The following VPS13C variants were observed in gnomAD, a reference collection of about 807,000 sequenced individuals.
VPS13C encodes the protein vacuolar protein sorting 13 homolog C.
A neutral mutation model predicts 456.8 loss-of-function variants in VPS13C; 358 were observed. That is an observed-to-expected ratio of 0.78 (90% CI 0.72 to 0.86). The LOEUF (loss-of-function observed/expected upper bound fraction) is 0.86, where lower values mean the gene tolerates loss of function less well. VPS13C is among the 40% of genes least tolerant of loss of function. VPS13C has a pLI of 0.00. For missense variants in VPS13C, 4,818 were observed against 4,385.4 expected, an observed-to-expected ratio of 1.10 and a Z score of -2.79; for synonymous variants, 1,578 against 1,486.7, an observed-to-expected ratio of 1.06 and a Z score of -1.41.
At position 61,889,311 on chromosome 15, in the gene VPS13C, T is replaced by C. The variant is rs545632980; in HGVS notation, c.9341+854A>G. Among the ~76,000 whole-genome samples the C allele has an allele frequency of 3.9e-5, 6 of 152,230 alleles. No homozygotes were observed. The East Asian group carries it at 1.2e-3, about 29-fold the overall frequency. ...AATATATAACAAAGAATGCATTGTC[T>C]ATCTACATATAAATATATTAACATT... On this transcript the variant is annotated intron_variant, in intron 67 of 84. Transcript: ENST00000644861.
chr15:62,010,533 G>A lies in VPS13C; in HGVS notation c.950C>T (p.Thr317Met), dbSNP rs529383497. ...MNPYAESELK[T>M]PKLDCNIEIQ... is the part of the protein sequence containing the mutation. ...TTCTATGTTGCAATCCAGTTTGGGC[G>A]TTTTGAGCTCTGATTCTGCATAAGG... The change falls in exon 13 of 85, where the codon ACG becomes ATG. Residue 317 changes from threonine (T) to methionine (M), a missense_variant. Physicochemically the swap from Thr to Met is moderately conservative, Grantham distance 81 (BLOSUM62 -1). Around this residue, in one of 3 missense-constraint regions of VPS13C, gnomAD observed 4,552 missense variants for 4,130.6 expected, o/e 1.10. Coordinates refer to ENST00000644861, the MANE Select transcript of VPS13C (RefSeq NM_020821.3). 69 of 1,613,418 alleles carry A rather than the reference G, an allele frequency of 4.3e-5. No homozygotes were observed. Among genetic ancestry groups the A allele is most frequent in the Non-Finnish European group, 5.2e-5 (61 of 1,179,718 alleles).
Position 61,934,337 on chromosome 15 carries a change from G to A in VPS13C, c.5756-6C>T. On this transcript the variant is annotated splice_polypyrimidine_tract_variant and splice_region_variant and intron_variant, in intron 48 of 84. Coordinates refer to ENST00000644861, the MANE Select transcript of VPS13C (RefSeq NM_020821.3). ...GTCTGTCCAATCTTCTTGTTCTAAT[G>A]GTGAAAATTTAAAAGCTTTTAAGTA... 6.7e-7 allele frequency: 1 copy of A among 1,483,248 alleles called. No individual in the cohort carries two copies. Among genetic ancestry groups the A allele is most frequent in the Non-Finnish European group, 9.0e-7 (1 of 1,112,884 alleles). The allele number at this position is 1,483,248 out of a possible 1,614,324, so 91.9% of individuals were successfully genotyped here. A position where few individuals can be genotyped will look rare whatever the true frequency, so the allele number is the denominator to read the frequency against.
chr15:61,986,084 T>TAC (rs1213570211), intron 18 of VPS13C, among the ~76,000 whole-genome samples: 12 of 149,644 alleles, frequency 8.0e-5, no homozygotes, highest in African/African-American at 3.0e-4. Flanking sequence ...CATATACACA[T>TAC]ACACACACAC....
At chr15:61,963,999 T>A in intron 31 of VPS13C, 48 bp from the exon 32 acceptor site, 1 of 1,240,448 alleles carries the variant, frequency 8.1e-7, no homozygotes, top group Non-Finnish European at 1.2e-6. Flanking sequence ...TCTAGTCATC[T>A]ACATTCTTTT....
At chr15:61,947,437 T>A in intron 42 of VPS13C, 128 bp from the exon 43 acceptor site, 1 of 599,080 alleles carries the variant, frequency 1.7e-6, no homozygotes, top group East Asian at 3.1e-5. Context: ...TCCATTAAGA[T>A]AACATGTAAT....
In VPS13C at chr15:61,974,281, T is replaced by C; in HGVS notation, c.2538+7A>G. 6.2e-7 allele frequency: 1 copy of C among 1,609,426 alleles called. No homozygotes were observed. Among genetic ancestry groups the C allele is most frequent in the Non-Finnish European group, 8.5e-7 (1 of 1,177,490 alleles). On this transcript the variant is annotated splice_region_variant and intron_variant, in intron 25 of 84. Coordinates refer to ENST00000644861, the MANE Select transcript of VPS13C (RefSeq NM_020821.3). ...ATAGGGTTATACATTTTATTGTATC[T>C]ATTTACCTGTCTCTCTGGAGACTGG... is the stretch of plus-strand genomic sequence containing the variant.
At chr15:61,885,090 T>C (rs1596290910) in intron 67 of VPS13C, among the ~76,000 whole-genome samples, 2 of 152,094 alleles carry the variant, frequency 1.3e-5, no homozygotes, top group African/African-American at 2.4e-5. Flanking sequence ...CCTTAAAATA[T>C]ATCCTCTCCA....
intron 67 of VPS13C, among the ~76,000 whole-genome samples, chr15:61,888,028 G>A (rs1423356960): frequency 6.6e-6 from 1 of 152,098 alleles, no homozygotes; most frequent in African/African-American, 2.4e-5. Context: ...ATTTTAAAAT[G>A]GACAAAAGAT....
chr15:61,874,863 A>C lies in VPS13C; in HGVS notation c.10414+13T>G, dbSNP rs745470615. ...AAAAAATATACACATATACACAAAT[A>C]TGTGATACATACCTACTGTGTGTCC... On this transcript the variant is annotated intron_variant, in intron 77 of 84. Transcript: ENST00000644861. 3 of 1,570,686 alleles carry C rather than the reference A, an allele frequency of 1.9e-6. No individual in the cohort carries two copies. The East Asian group carries it at 6.9e-5, about 36-fold the overall frequency.
At chr15:61,876,888 A>G (rs1596281043) in intron 75 of VPS13C, 85 bp downstream of exon 75, 1 of 931,466 alleles carries the variant, frequency 1.1e-6, no homozygotes. Context: ...TTAGATAAAC[A>G]TTACTGCACA....
In VPS13C at chr15:61,950,469, A is replaced by G. The variant is rs778905729; in HGVS notation, c.4537-52T>C. 24 of 1,354,386 alleles carry G rather than the reference A, an allele frequency of 1.8e-5. No individual in the cohort carries two copies. The Admixed American group carries it at 4.3e-4, about 24-fold the overall frequency. The allele number at this position is 1,354,386 out of a possible 1,614,324, so 83.9% of individuals were successfully genotyped here. On this transcript the variant is annotated intron_variant, in intron 40 of 84. Transcript: ENST00000644861. ...TGAGTTTCAAACACTAAAAATTCAT[A>G]CACTGAAAATATACATATTCTTTAC...
Position 61,920,147 on chromosome 15 carries a change from T to A in VPS13C, c.7397A>T (p.Tyr2466Phe). Residue 2466 changes from tyrosine (Y) to phenylalanine (F), a missense_variant, in exon 57 of 85, where the codon TAT becomes TTT. Tyr to Phe is a conservative substitution (Grantham distance 22, BLOSUM62 3). Around this residue, in one of 3 missense-constraint regions of VPS13C, gnomAD observed 4,552 missense variants for 4,130.6 expected, o/e 1.10. Coordinates refer to ENST00000644861, the MANE Select transcript of VPS13C (RefSeq NM_020821.3). ...TTGACTTGAAGGTACCATGCTGGCA[T>A]ACTCCAGTTCCAAATTCTGGCCAGC... The part of the protein sequence containing the change: ...VDAGQNLELE[Y>F]ASMVPSSQGN... 6.2e-7 allele frequency: 1 copy of A among 1,613,614 alleles called. No individual in the cohort carries two copies. Among genetic ancestry groups the A allele is most frequent in the Non-Finnish European group, 8.5e-7 (1 of 1,179,654 alleles).
chr15:62,019,031 G>A (rs550414973), intron 9 of VPS13C, among the ~76,000 whole-genome samples: 13 of 151,990 alleles, frequency 8.6e-5, no homozygotes, highest in Non-Finnish European at 1.6e-4. Context: ...TGTATGTGTC[G>A]AGGAATTTGT....
intron 35 of VPS13C, 22 bp downstream of exon 35, chr15:61,961,567 C>A: frequency 9.3e-6 from 14 of 1,505,010 alleles, no homozygotes; most frequent in East Asian, 2.3e-5. Context: ...TATTTAAATC[C>A]ATAATTATTG....
intron 52 of VPS13C, 56 bp from the exon 53 acceptor site, chr15:61,925,604 A>G (rs1198859072): frequency 3.5e-5 from 42 of 1,206,818 alleles, no homozygotes; most frequent in Non-Finnish European, 4.4e-5. Context: ...TACATAACAC[A>G]CACTTACAAG....
intron 81 of VPS13C, chr15:61,864,212 A>G (rs1007875542): frequency 1.8e-6 from 1 of 568,436 alleles, no homozygotes; most frequent in Non-Finnish European, 2.2e-6. Context: ...AGAAAATATG[A>G]CAATATTAAT....
At position 61,867,431 on chromosome 15, in the gene VPS13C, A is replaced by T; in HGVS notation, c.10863+1228T>A. ...GCAGGCTCAGAGCAACTGACAATTC[A>T]ATTATTAAAGCAGATGCTCCAGGTA... On this transcript the variant is annotated intron_variant, in intron 81 of 84. Transcript: ENST00000644861. The surrounding 1 kb of genome is among the most constrained non-coding windows in gnomAD (Gnocchi z 5.0). The T allele has an allele frequency of 1.0e-6, 1 of 986,418 alleles. No individual in the cohort carries two copies. Among genetic ancestry groups the T allele is most frequent in the Non-Finnish European group, 1.2e-6 (1 of 830,662 alleles). The allele number at this position is 986,418 out of a possible 1,614,324, so 61.1% of individuals were successfully genotyped here.
intron 9 of VPS13C, among the ~76,000 whole-genome samples, chr15:62,019,710 A>C (rs2047387802): frequency 6.6e-6 from 1 of 152,058 alleles, no homozygotes; most frequent in Non-Finnish European, 1.5e-5. Context: ...ACTTCCAACT[A>C]TGTGGTCAAT....
intron 3 of VPS13C, among the ~76,000 whole-genome samples, chr15:62,035,591 C>A (rs1360414393): frequency 2.0e-5 from 3 of 151,842 alleles, no homozygotes; most frequent in Non-Finnish European, 4.4e-5. Context: ...AGAAGAGATG[C>A]AAAGGAACTT....
Sources: gnomAD v4.1 joint callset for allele counts (sites outside exome capture counted in the v4.1 genomes callset) on GRCh38, gnomAD v4.1.1 for gene constraint, gnomAD v4.1.1 regional missense constraint, Gnocchi (gnomAD v3.1) non-coding constraint, MANE v1.5 for transcripts, NCBI Gene and HGNC (gene_info 2026-07-23, HGNC 2026-07-21) for gene names.